Variants in SRP19 observed in about 807,000 individuals in gnomAD.
SRP19 encodes the protein signal recognition particle 19 kDa protein.
SRP19 carries 11 observed loss-of-function variants against 22.4 expected under a neutral mutation model. The ratio of observed to expected loss-of-function variants is 0.49; its 90% CI spans 0.31 to 0.81. The LOEUF is 0.81. Ranked by LOEUF, SRP19 falls within the 40% of genes least tolerant of loss-of-function variation. SRP19 has a pLI of 0.05. For missense variants in SRP19, 168 were observed against 175.9 expected (o/e 0.96, Z 0.25); for synonymous variants, 61 against 57.6 (o/e 1.06, Z -0.27).
At chr5:112,887,686 G>T (rs769641398) in intron 4 of SRP19, among the ~76,000 whole-genome samples, 1 of 152,064 alleles carries the variant, frequency 6.6e-6, no homozygotes, top group African/African-American at 2.4e-5. Context: ...TCAGTTTTGG[G>T]TAGATCTTAG....
intron 4 of SRP19, among the ~76,000 whole-genome samples, chr5:112,887,535 A>T (rs1379625739): frequency 1.3e-5 from 2 of 152,202 alleles, no homozygotes; most frequent in Non-Finnish European, 2.9e-5. Flanking sequence ...ACTTATCTGC[A>T]TGTATAAAGC....
downstream of SRP19, chr5:112,897,659 T>C (rs952500029): frequency 5.3e-5 from 8 of 152,248 alleles, no homozygotes; most frequent in Non-Finnish European, 8.8e-5. Flanking sequence ...AACTAAGCTT[T>C]GATGCCAAGC....
At chr5:112,872,289 T>G (rs1767776223), downstream of SRP19, among the ~76,000 whole-genome samples, 1 of 151,274 alleles carries the variant, frequency 6.6e-6, no homozygotes, top group Non-Finnish European at 1.5e-5. Flanking sequence ...CAGCCCAGAA[T>G]TCAGATGTGT....
At chr5:112,862,295 G>A (rs2150024461) in intron 1 of SRP19, 1 of 596,934 alleles carries the variant, frequency 1.7e-6, no homozygotes, top group South Asian at 1.9e-5. Context: ...AGAAAGAGGA[G>A]TAGGCCCGCG....
At position 112,868,130 on chromosome 5, in the gene SRP19, C is replaced by G. The variant is rs1201506506; in HGVS notation, c.*593C>G. ...TCAGTTGTTTTTTGACATGGAAAGTCCTGGATTTTAAGCTTTAAATTTGCT... is the reference window on the plus strand; with the variant it reads ...TCAGTTGTTTTTTGACATGGAAAGTGCTGGATTTTAAGCTTTAAATTTGCT... On this transcript the variant is annotated 3_prime_UTR_variant, in exon 5 of 5. Transcript: ENST00000505459. 1.0e-6 allele frequency: 1 copy of G among 985,174 alleles called. No individual in the cohort carries two copies. The highest frequency in any genetic ancestry group is 1.2e-6 in the Non-Finnish European group (1 of 829,942). The allele number at this position is 985,174 out of a possible 1,614,324, so 61.0% of individuals were successfully genotyped here.
chr5:112,898,198 C>G (rs180930842), exon 4 of SRP19: 85 of 152,380 alleles, frequency 5.6e-4, no homozygotes, highest in African/African-American at 1.9e-3. Flanking sequence ...CCTTCTCCTA[C>G]AGACGAGACT....
downstream of SRP19, among the ~76,000 whole-genome samples, chr5:112,870,327 A>C (rs530961637): frequency 2.6e-5 from 4 of 152,134 alleles, no homozygotes; most frequent in African/African-American, 4.8e-5. Context: ...TCTACAAAAA[A>C]AAGAATTAGC....
chr5:112,864,475 G>A lies in SRP19; in HGVS notation c.136G>A (p.Ala46Thr), dbSNP rs765517730. 3.1e-6 allele frequency: 5 copies of A among 1,613,618 alleles called. No homozygotes were observed. The South Asian group carries it at 5.5e-5, about 18-fold the overall frequency. ...PISKAVENPT[A>T]TEIQDVCSAV... ...TGTTCAGGCTGTTGAAAATCCTACAGCTACAGAGATTCAAGATGTATGTTC... is the reference window on the plus strand; with the variant it reads ...TGTTCAGGCTGTTGAAAATCCTACAACTACAGAGATTCAAGATGTATGTTC... The change falls in exon 3 of 5, where the codon GCT becomes ACT. Residue 46 changes from alanine to threonine, a missense_variant. Transcript: ENST00000505459.
intron 4 of SRP19, among the ~76,000 whole-genome samples, chr5:112,884,362 A>C (rs1244481394): frequency 1.3e-5 from 2 of 149,278 alleles, no homozygotes; most frequent in African/African-American, 4.9e-5. Flanking sequence ...ATGATTCCCC[A>C]TGGTTCCTTC....
chr5:112,865,199 A>G (rs1207208727), intron 4 of SRP19: 1 of 152,576 alleles, frequency 6.6e-6, no homozygotes, highest in Non-Finnish European at 1.5e-5. Flanking sequence ...AAATATTACT[A>G]TTTATTGATA....
rs953597585 is a variant in SRP19, at chr5:112,887,491, A to G, written c.302-4112A>G. On this transcript the variant is annotated intron_variant, in intron 4 of 4. Coordinates refer to the SRP19 transcript ENST00000391338. Reference sequence around the variant, plus strand: ...TAGCTGTAAGAGGCTTTTATTAATCATAACTCTTAGAAATCAATTTAAGAA... The same window carrying G: ...TAGCTGTAAGAGGCTTTTATTAATCGTAACTCTTAGAAATCAATTTAAGAA... Among the ~76,000 whole-genome samples, 5 of 152,326 alleles carry G rather than the reference A, an allele frequency of 3.3e-5. No homozygotes were observed. In the South Asian group the frequency reaches 6.2e-4, roughly 19 times the overall value.
At chr5:112,888,839 G>A (rs1169862212) in intron 4 of SRP19, among the ~76,000 whole-genome samples, 1 of 150,728 alleles carries the variant, frequency 6.6e-6, no homozygotes, top group African/African-American at 2.5e-5. Flanking sequence ...TGGTTTAGCT[G>A]TGTCCCCACC....
chr5:112,863,330 A>G (rs945903444), intron 2 of SRP19, among the ~76,000 whole-genome samples: 4 of 152,156 alleles, frequency 2.6e-5, no homozygotes, highest in Non-Finnish European at 4.4e-5. Flanking sequence ...ACATATTTGA[A>G]TGTAGTTGAA....
chr5:112,862,661 AGCCGCAGGGG>A (rs1313992567), intron 2 of SRP19, 78 bp downstream of exon 2: 2 of 1,269,134 alleles, frequency 1.6e-6, no homozygotes, highest in Non-Finnish European at 2.2e-6. Context: ...ATCTTGTTAG[AGCCGCAGGGG>A]GTTCTCTTCA....
chr5:112,863,823 T>A (rs1341390089), intron 2 of SRP19, among the ~76,000 whole-genome samples: 1 of 152,106 alleles, frequency 6.6e-6, no homozygotes, highest in Non-Finnish European at 1.5e-5. Context: ...TGCCACCATG[T>A]CCGGCTACTT....
At chr5:112,873,271 CTTT>C (rs35379154), downstream of SRP19, among the ~76,000 whole-genome samples, 2 of 50,720 alleles carry the variant, frequency 3.9e-5, no homozygotes, top group African/African-American at 8.7e-5. Flanking sequence ...CTCAGGTTTT[CTTT>C]TTTTTTTTTT....
At chr5:112,893,492 TAATCTCCA>T, downstream of SRP19, 2 of 157,018 alleles carry the variant, frequency 1.3e-5, no homozygotes, top group Non-Finnish European at 2.8e-5. Context: ...TTCACTGCCA[TAATCTCCA>T]TGTTATGATT....
chr5:112,864,814 T>C, intron 4 of SRP19, 82 bp downstream of exon 4: 2 of 1,076,640 alleles, frequency 1.9e-6, no homozygotes, highest in Non-Finnish European at 2.7e-6. Context: ...AACTGAAAGG[T>C]AAAAGTCAGA....
chr5:112,879,635 A>G (rs995097613), intron 4 of SRP19, among the ~76,000 whole-genome samples: 11 of 151,820 alleles, frequency 7.2e-5, no homozygotes, highest in East Asian at 2.0e-4. Flanking sequence ...CACCACGCCC[A>G]GCTAATTTTT....
Sources: allele counts gnomAD v4.1 joint callset (sites outside exome capture counted in the v4.1 genomes callset), GRCh38; gene constraint gnomAD v4.1.1; transcripts MANE v1.5; gene names NCBI Gene and HGNC (gene_info 2026-07-23, HGNC 2026-07-21).